The following ZNF534 variants were observed in gnomAD, a reference collection of about 807,000 sequenced individuals.
ZNF534 encodes the protein zinc finger protein 534, also known as KRAB domain only 3.
ZNF534 carries 19 observed loss-of-function variants against 13.6 expected under a neutral mutation model. The ratio of observed to expected loss-of-function variants is 1.40; its 90% CI spans 0.97 to 2.05. The LOEUF (loss-of-function observed/expected upper bound fraction) is 2.05, where lower values mean the gene tolerates loss of function less well. ZNF534 is among the 30% of genes most tolerant of loss of function. ZNF534 has a pLI of 0.00. For synonymous variants in ZNF534, 244 were observed against 273.8 expected, an observed-to-expected ratio of 0.89 and a Z score of 1.07; for missense variants, 782 against 796.3, an observed-to-expected ratio of 0.98 and a Z score of 0.22.
intron 1 of ZNF534, among the ~76,000 whole-genome samples, chr19:52,430,835 C>G (rs773686401): frequency 6.8e-6 from 1 of 147,482 alleles, no homozygotes; most frequent in African/African-American, 2.6e-5. Context: ...CGTGAACCAC[C>G]ACACATGGCC....
At chr19:52,433,792 A>T (rs1019643719) in intron 2 of ZNF534, 163 bp from the exon 3 acceptor site, 2 of 784,440 alleles carry the variant, frequency 2.5e-6, no homozygotes, top group African/African-American at 3.4e-5. Context: ...GAAAAGTATA[A>T]TAAAACACAA....
At chr19:52,434,881 T>G (rs545507931) in intron 3 of ZNF534, among the ~76,000 whole-genome samples, 200 bp from the exon 4 acceptor site, 9 of 152,324 alleles carry the variant, frequency 5.9e-5, no homozygotes, top group Non-Finnish European at 1.0e-4. Context: ...CCCATGTGCT[T>G]TTGATTCAGT....
chr19:52,430,426 G>A (rs1391729218), intron 1 of ZNF534, among the ~76,000 whole-genome samples: 1 of 152,120 alleles, frequency 6.6e-6, no homozygotes, highest in Non-Finnish European at 1.5e-5. Context: ...TGGGGCTCTT[G>A]GAACATAGTG....
At position 52,439,587 on chromosome 19, in the gene ZNF534, CA is replaced by C. The variant is rs75248649; in HGVS notation, c.*163del. 3.6e-3 allele frequency: 1,829 copies of C among 502,900 alleles called. 3 individuals carry two copies. Among genetic ancestry groups the C allele is most frequent in the East Asian group, 0.022 (522 of 23,420 alleles). The allele number at this position is 502,900 out of a possible 1,614,324, so 31.2% of individuals were successfully genotyped here. Reference sequence around the variant, plus strand: ...TGAAACCCCATCTCTACTAAAAATACAAAAAAAAAAAAAAAAAAAAAATTAG... The same window carrying C: ...TGAAACCCCATCTCTACTAAAAATACAAAAAAAAAAAAAAAAAAAAATTAG... On this transcript the variant is annotated 3_prime_UTR_variant, in exon 5 of 5. Coordinates refer to ENST00000433050, the MANE Select transcript of ZNF534 (RefSeq NM_001143938.3).
At chr19:52,429,592 CTTTT>C (rs112310318) in intron 1 of ZNF534, among the ~76,000 whole-genome samples, 5,125 of 137,984 alleles carry the variant, frequency 0.037, 298 homozygotes, top group African/African-American at 0.13. Flanking sequence ...ACTTAATAGT[CTTTT>C]TTTTTTTTTT....
downstream of ZNF534, among the ~76,000 whole-genome samples, chr19:52,444,736 T>G (rs747253702): frequency 6.6e-6 from 1 of 151,936 alleles, no homozygotes; most frequent in Non-Finnish European, 1.5e-5. Context: ...CTAAGAGGAT[T>G]ATGGCTGCCT....
Position 52,442,268 on chromosome 19 carries a change from A to G in ZNF534, c.*2822A>G, listed in dbSNP as rs1346727568. Reference sequence around the variant, plus strand: ...TGCTGAAGGTCGTTGGTTTACCAGAATGATGGCAAAGAACACCTGGCCCAC... The same window carrying G: ...TGCTGAAGGTCGTTGGTTTACCAGAGTGATGGCAAAGAACACCTGGCCCAC... On this transcript the variant is annotated 3_prime_UTR_variant, in exon 5 of 5. Transcript: ENST00000433050. Among the ~76,000 whole-genome samples the G allele has an allele frequency of 2.0e-5, 3 of 152,238 alleles. No homozygotes were observed. Among genetic ancestry groups the G allele is most frequent in the African/African-American group, 7.2e-5 (3 of 41,476 alleles).
At chr19:52,433,229 C>A (rs1400426100) in intron 2 of ZNF534, among the ~76,000 whole-genome samples, 1 of 107,844 alleles carries the variant, frequency 9.3e-6, no homozygotes, top group African/African-American at 3.3e-5. Context: ...ACAGTAAGAT[C>A]CTATCTCAAA....
Position 52,439,463 on chromosome 19 carries a change from G to C in ZNF534, c.*17G>C. 6.7e-7 allele frequency: 1 copy of C among 1,499,358 alleles called. No individual in the cohort carries two copies. Among genetic ancestry groups the C allele is most frequent in the East Asian group, 2.5e-5 (1 of 40,592 alleles). 92.9% of individuals were successfully genotyped at this position (1,499,358 alleles called of 1,614,324 possible). ...AAGCCTTAAAAATTTAGTGAAGCTG[G>C]CAGGGCGCAGTGGCTCACGTCTGTA... On this transcript the variant is annotated 3_prime_UTR_variant, in exon 5 of 5. Coordinates refer to ENST00000433050, the MANE Select transcript of ZNF534 (RefSeq NM_001143938.3).
At chr19:52,437,465 A>C (rs879771501) in intron 4 of ZNF534, among the ~76,000 whole-genome samples, 12 of 152,168 alleles carry the variant, frequency 7.9e-5, no homozygotes, top group Non-Finnish European at 1.0e-4. Flanking sequence ...AAAAATAAAA[A>C]AAGTTAGCCA....
rs1431162901 is a variant in ZNF534 at position 52,451,182 on chromosome 19, CATAG to C, written c.272-2_273del. ...TCATCACTGTTTATAATTTTCTACCCATAGATTTTTCACTTCTGGCCTGGGACGC... is the reference window on the plus strand; with the variant it reads ...TCATCACTGTTTATAATTTTCTACCCATTTTTCACTTCTGGCCTGGGACGC... On this transcript the variant is annotated splice_acceptor_variant and splice_polypyrimidine_tract_variant and intron_variant, in intron 4 of 4. Transcript: ENST00000301085. LOFTEE classifies it high-confidence loss of function. 1 of 679,012 alleles carries C rather than the reference CATAG, an allele frequency of 1.5e-6. No individual in the cohort carries two copies. Among genetic ancestry groups the C allele is most frequent in the South Asian group, 1.6e-5 (1 of 62,202 alleles). The allele number at this position is 679,012 out of a possible 1,614,324, so 42.1% of individuals were successfully genotyped here. A position where few individuals can be genotyped will look rare whatever the true frequency, so the allele number is the denominator to read the frequency against.
At chr19:52,443,537 G>A (rs2059183867), downstream of ZNF534, among the ~76,000 whole-genome samples, 1 of 152,176 alleles carries the variant, frequency 6.6e-6, no homozygotes, top group East Asian at 1.9e-4. Context: ...ATATCACCAG[G>A]TCAGGAGTTC....
At chr19:52,450,994 C>A (rs2059212479) in intron 4 of ZNF534, among the ~76,000 whole-genome samples, 1 of 151,960 alleles carries the variant, frequency 6.6e-6, no homozygotes, top group South Asian at 2.1e-4. Flanking sequence ...CCGTAGGATT[C>A]ATTTTTTTCT....
chr19:52,446,931 T>C (rs1045527820), downstream of ZNF534, among the ~76,000 whole-genome samples: 1 of 152,212 alleles, frequency 6.6e-6, no homozygotes, highest in African/African-American at 2.4e-5. Flanking sequence ...AATGCTGTGA[T>C]TGTTCTTCAA....
In ZNF534 at chr19:52,441,046, C is replaced by A. The variant is rs895509072; in HGVS notation, c.*1600C>A. ...CCTCCCGAGTAGCTAGGACTACAAGCACATGATGCCATCATGCCTGGCTAA... is the reference window on the plus strand; with the variant it reads ...CCTCCCGAGTAGCTAGGACTACAAGAACATGATGCCATCATGCCTGGCTAA... On this transcript the variant is annotated 3_prime_UTR_variant, in exon 5 of 5. Transcript: ENST00000433050. Among the ~76,000 whole-genome samples the A allele has an allele frequency of 1.1e-4, 17 of 152,210 alleles. No homozygotes were observed. Among genetic ancestry groups the A allele is most frequent in the African/African-American group, 4.1e-4 (17 of 41,554 alleles).
rs1286401992 is a variant in ZNF534, at chr19:52,438,411, T to A, written c.951T>A (p.Leu317=). 6.2e-7 allele frequency: 1 copy of A among 1,613,660 alleles called. No homozygotes were observed. Among genetic ancestry groups the A allele is most frequent in the Non-Finnish European group, 8.5e-7 (1 of 1,179,856 alleles). The change falls in exon 5 of 5, where the codon CTT becomes CTA. Residue 317 remains leucine (L), a synonymous_variant. Coordinates refer to ENST00000433050, the MANE Select transcript of ZNF534 (RefSeq NM_001143938.3). ...TGTGTTCCAGTCTTACTGCTCATCT[T>A]GTAATCCATACTGGAGAGAAACCTT... is the stretch of plus-strand genomic sequence containing the variant. ...FSVCSSLTAH[L]VIHTGEKPYD...
intron 3 of ZNF534, among the ~76,000 whole-genome samples, chr19:52,434,807 C>T (rs1278510299): frequency 6.6e-6 from 1 of 151,958 alleles, no homozygotes; most frequent in Admixed American, 6.6e-5. Flanking sequence ...TTGATGGCAC[C>T]AGGGCTGAAG....
intron 4 of ZNF534, among the ~76,000 whole-genome samples, chr19:52,450,671 TTTTTTTTTTTTTTGTTTTTGTTTTTG>T (rs2059210213): frequency 6.3e-5 from 1 of 15,828 alleles, no homozygotes; most frequent in Non-Finnish European, 1.5e-4. Flanking sequence ...ATTTTAGGAG[TTTTTTTTTTTTTTGTTTTTGTTTTTG>T]TTTTTTTTTT....
chr19:52,447,795 C>G (rs527545342), intron 4 of ZNF534, among the ~76,000 whole-genome samples: 1 of 151,964 alleles, frequency 6.6e-6, no homozygotes, highest in Non-Finnish European at 1.5e-5. Context: ...TCATGGAGTA[C>G]AAATCTTTTT....
Sources: gnomAD v4.1 joint callset for allele counts (sites outside exome capture counted in the v4.1 genomes callset) on GRCh38, gnomAD v4.1.1 for gene constraint, MANE v1.5 for transcripts, NCBI Gene and HGNC (gene_info 2026-07-23, HGNC 2026-07-21) for gene names.